GALC: variants seen among roughly 807,000 people sequenced by gnomAD.
The protein encoded by GALC is galactosylceramidase.
GALC carries 77 observed loss-of-function variants against 91.8 expected under a neutral mutation model. The ratio of observed to expected loss-of-function variants is 0.84; its 90% CI spans 0.70 to 1.01. The LOEUF (loss-of-function observed/expected upper bound fraction) is 1.01. Ranked by LOEUF, GALC falls within the 50% of genes least tolerant of loss-of-function variation. The probability of loss-of-function intolerance (pLI) is 0.00; values close to 1 mark genes in which losing one functional copy is unlikely to be tolerated. For synonymous variants in GALC, 357 were observed against 306.7 expected (o/e 1.16, Z -1.71); for missense variants, 882 against 855.9 (o/e 1.03, Z -0.38).
In GALC at chr14:87,984,401, T is replaced by C. The variant is rs756626444; in HGVS notation, c.575A>G (p.Tyr192Cys). ...AKRYHDLDID[Y>C]IGIWNERSYN... is the part of the protein sequence containing the mutation. ...TTTAAATATATTACTAACTCCAATA[T>C]AATCAATGTCCAAATCATGGTAACG... The change falls in exon 5 of 17, where the codon TAT becomes TGT. Residue 192 changes from tyrosine to cysteine, a missense_variant. By Grantham distance (194) the Tyr-to-Cys change is radical. Transcript: ENST00000261304. The C allele has an allele frequency of 2.5e-6, 4 of 1,613,368 alleles. No homozygotes were observed. In the African/African-American group the frequency reaches 5.3e-5, roughly 22 times the overall value.
At position 87,963,489 on chromosome 14, in the gene GALC, T is replaced by C. The variant is rs748117955; in HGVS notation, c.1056A>G (p.Gln352=). ...CTGTCTTCAGGTAATACCAGCCAGG[T>C]TGAGTAAACTGAGTGGTATGAGCTA... is the stretch of plus-strand genomic sequence containing the variant. ...WVSAHTTQFT[Q]PGWYYLKTVG... The change falls in exon 10 of 17, where the codon CAA becomes CAG. Residue 352 remains glutamine (Q), a synonymous_variant. Coordinates refer to ENST00000261304, the MANE Select transcript of GALC (RefSeq NM_000153.4). The C allele has an allele frequency of 3.1e-6, 5 of 1,612,898 alleles. No individual in the cohort carries two copies. The highest frequency in any genetic ancestry group is 4.2e-6 in the Non-Finnish European group (5 of 1,179,216).
chr14:87,934,124 G>C lies in GALC; in HGVS notation c.*608C>G, dbSNP rs1453536507. 1 of 1,448,766 alleles carries C rather than the reference G, an allele frequency of 6.9e-7. No individual in the cohort carries two copies. The highest frequency in any genetic ancestry group is 9.1e-7 in the Non-Finnish European group (1 of 1,097,954). The allele number at this position is 1,448,766 out of a possible 1,614,324, so 89.7% of individuals were successfully genotyped here. A position where few individuals can be genotyped will look rare whatever the true frequency, so the allele number is the denominator to read the frequency against. On this transcript the variant is annotated 3_prime_UTR_variant, in exon 17 of 17. Transcript: ENST00000261304. ...TATTACTGCAGAAATAGTGTTAGAG[G>C]TAGTTTATTAAAGAGGCATTTTTAA...
Position 87,950,803 on chromosome 14 carries a change from GA to G in GALC, c.1162-56del, listed in dbSNP as rs1440681354. The G allele has an allele frequency of 2.8e-5, 33 of 1,180,862 alleles. No individual in the cohort carries two copies. The African/African-American group carries it at 3.4e-4, about 12-fold the overall frequency. 73.1% of individuals were successfully genotyped at this position (1,180,862 alleles called of 1,614,324 possible). On this transcript the variant is annotated intron_variant, in intron 10 of 16. Transcript: ENST00000261304. Reference sequence around the variant, plus strand: ...AAATGATGTATAAGCTACCTTAGGGGAAAAAAAGTTCAACAGTTAATGCCCA... The same window carrying G: ...AAATGATGTATAAGCTACCTTAGGGGAAAAAAGTTCAACAGTTAATGCCCA...
At chr14:87,950,897 TTACAA>T in intron 10 of GALC, 149 bp from the exon 11 acceptor site, 2 of 600,218 alleles carry the variant, frequency 3.3e-6, no homozygotes, top group Non-Finnish European at 6.0e-6. Context: ...AAAGACTTTT[TTACAA>T]TATAATATTT....
intron 10 of GALC, 33 bp downstream of exon 10, chr14:87,963,351 T>C: frequency 6.2e-7 from 1 of 1,604,374 alleles, no homozygotes; most frequent in South Asian, 1.1e-5. Context: ...AGTAAAGAAG[T>C]GAGTTAATCC....
chr14:87,954,999 G>GAT, intron 10 of GALC: 2 of 1,391,842 alleles, frequency 1.4e-6, no homozygotes, highest in Non-Finnish European at 2.0e-6. Flanking sequence ...TCAACAGAGT[G>GAT]ATAGTTACTT....
At chr14:87,960,767 T>C (rs528720587) in intron 10 of GALC, among the ~76,000 whole-genome samples, 8 of 152,182 alleles carry the variant, frequency 5.3e-5, no homozygotes, top group Non-Finnish European at 1.2e-4. Context: ...GACAACTGGA[T>C]ATTAAAATGC....
At position 87,965,551 on chromosome 14, in the gene GALC, C is replaced by A; in HGVS notation, c.987G>T (p.Glu329Asp). The change falls in exon 9 of 17, where the codon GAG becomes GAT. Residue 329 changes from glutamate to aspartate, a missense_variant. Transcript: ENST00000261304. Reference sequence around the variant, plus strand: ...CTACCACGTAGTGCCCACTCCATGGCTCCTGGGCCGTCATCAACCCGCATC... The same window carrying A: ...CTACCACGTAGTGCCCACTCCATGGATCCTGGGCCGTCATCAACCCGCATC... ...YGRCGLMTAQ[E>D]PWSGHYVVES... The A allele has an allele frequency of 1.2e-6, 2 of 1,613,406 alleles. No individual in the cohort carries two copies. Among genetic ancestry groups the A allele is most frequent in the Non-Finnish European group, 1.7e-6 (2 of 1,179,530 alleles).
chr14:87,948,139 C>T (rs915960162), intron 12 of GALC, among the ~76,000 whole-genome samples: 1 of 151,734 alleles, frequency 6.6e-6, no homozygotes, highest in Non-Finnish European at 1.5e-5. Flanking sequence ...ATCTCAAAAT[C>T]TATTTCTATT....
At chr14:87,967,302 C>T (rs1886097395) in intron 8 of GALC, among the ~76,000 whole-genome samples, 3 of 152,246 alleles carry the variant, frequency 2.0e-5, no homozygotes, top group Non-Finnish European at 4.4e-5. Flanking sequence ...ATGGTTAGCT[C>T]TGGATCATAA....
chr14:87,983,262 G>A lies in GALC; in HGVS notation c.583-1019C>T, dbSNP rs200002352. Among the ~76,000 whole-genome samples, 16 of 152,242 alleles carry A rather than the reference G, an allele frequency of 1.1e-4. No homozygotes were observed. The East Asian group carries it at 3.1e-3, about 29-fold the overall frequency. On this transcript the variant is annotated intron_variant, in intron 5 of 16. Coordinates refer to ENST00000261304, the MANE Select transcript of GALC (RefSeq NM_000153.4). ...CAGGAGAATCACTTGAACCCAGGAG[G>A]CAGAGGTTGCAGTGAGCCAAGATCA...
chr14:87,950,929 A>T (rs1319357381), intron 10 of GALC, among the ~76,000 whole-genome samples, 181 bp from the exon 11 acceptor site: 2 of 151,760 alleles, frequency 1.3e-5, no homozygotes, highest in African/African-American at 2.4e-5. Flanking sequence ...TGTGTATTGT[A>T]TGTTCCTAGT....
chr14:87,937,466 G>A (rs2139932192), intron 16 of GALC, among the ~76,000 whole-genome samples: 1 of 152,060 alleles, frequency 6.6e-6, no homozygotes, highest in African/African-American at 2.4e-5. Context: ...GAAACAGAAT[G>A]CCCATAGTTG....
At position 87,982,239 on chromosome 14, in the gene GALC, C is replaced by A; in HGVS notation, c.587G>T (p.Trp196Leu). 6.3e-7 allele frequency: 1 copy of A among 1,579,770 alleles called. No homozygotes were observed. The highest frequency in any genetic ancestry group is 8.7e-7 in the Non-Finnish European group (1 of 1,149,846). The part of the protein sequence containing the change: ...HDLDIDYIGI[W>L]NERSYNANYI... ...ATTGGCATTATATGACCTCTCATTC[C>A]AAATCTGCAAAACAAAAAGTCAAAA... Residue 196 changes from tryptophan (W) to leucine (L), a missense_variant, in exon 6 of 17, where the codon TGG (tryptophan) becomes TTG (leucine). Physicochemically the swap from Trp to Leu is moderately conservative, Grantham distance 61. Coordinates refer to ENST00000261304, the MANE Select transcript of GALC (RefSeq NM_000153.4).
chr14:87,939,130 T>C (rs926678962), intron 16 of GALC, among the ~76,000 whole-genome samples: 6 of 151,952 alleles, frequency 3.9e-5, no homozygotes, highest in African/African-American at 1.4e-4. Flanking sequence ...TGCTATAAAA[T>C]GGCTACAATT....
intron 7 of GALC, among the ~76,000 whole-genome samples, chr14:87,975,129 C>T (rs1007314948): frequency 1.3e-5 from 2 of 151,756 alleles, no homozygotes; most frequent in Admixed American, 1.3e-4. Flanking sequence ...TAAATCTAAC[C>T]TAACCTAAAT....
At chr14:87,985,535 T>C (rs929723401) in intron 4 of GALC, among the ~76,000 whole-genome samples, 3 of 152,232 alleles carry the variant, frequency 2.0e-5, no homozygotes, top group African/African-American at 4.8e-5. Context: ...GTGATGCTTT[T>C]ACTGCTCACA....
chr14:87,986,846 C>T, intron 3 of GALC: 2 of 518,096 alleles, frequency 3.9e-6, no homozygotes, highest in Non-Finnish European at 3.5e-6. Flanking sequence ...CCTTCTATTA[C>T]AAGCAGTACT....
intron 10 of GALC, among the ~76,000 whole-genome samples, chr14:87,955,872 A>G (rs1885516640): frequency 6.6e-6 from 1 of 152,010 alleles, no homozygotes; most frequent in Non-Finnish European, 1.5e-5. Flanking sequence ...ATAGTCATTA[A>G]TGAGGAAGTA....
Sources: allele counts gnomAD v4.1 joint callset (sites outside exome capture counted in the v4.1 genomes callset), GRCh38; gene constraint gnomAD v4.1.1; transcripts MANE v1.5; gene names NCBI Gene and HGNC (gene_info 2026-07-23, HGNC 2026-07-21).